Variants in ZCCHC10 observed in about 807,000 individuals in gnomAD.
ZCCHC10 encodes zinc finger CCHC-type containing 10.
Under a neutral mutation model 19.5 loss-of-function variants are expected in ZCCHC10, and 16 were observed. The observed-to-expected ratio is 0.82, with a 90% CI of 0.56 to 1.25. The LOEUF is 1.25. Among genes scored for constraint, ZCCHC10 ranks in the 50% most tolerant of loss-of-function variants. ZCCHC10 has a pLI of 0.00. For missense variants in ZCCHC10, 197 were observed against 201.0 expected (o/e 0.98, Z 0.12); for synonymous variants, 67 against 72.5 (o/e 0.92, Z 0.38).
At chr5:133,018,981 A>G (rs1478562389) in intron 2 of ZCCHC10, 2 of 409,506 alleles carry the variant, frequency 4.9e-6, no homozygotes, top group African/African-American at 2.1e-5. Flanking sequence ...TGTTTTCTCC[A>G]TATTGAGAAA....
intron 2 of ZCCHC10, among the ~76,000 whole-genome samples, chr5:133,008,582 T>A (rs927425211): frequency 1.3e-5 from 2 of 149,652 alleles, no homozygotes; most frequent in African/African-American, 5.0e-5. Context: ...GGGGTCAAGC[T>A]GACCAGCTGA....
In ZCCHC10 at chr5:133,006,799, CT is replaced by C. The variant is rs1561538607; in HGVS notation, c.228del (p.Ala77LeufsTer2). Reference sequence around the variant, plus strand: ...AATCTGTTTTCTTTTTCTTTTAAAGCTTTCTTTAGTTCTGCTGTCCTTGAGG... The same window carrying C: ...AATCTGTTTTCTTTTTCTTTTAAAGCTTCTTTAGTTCTGCTGTCCTTGAGG... ...HRPSRTAELK[K>X]ALKEKENRLL... On this transcript the variant is annotated frameshift_variant, in exon 3 of 5. Transcript: ENST00000509437. LOFTEE classifies it high-confidence loss of function. 1 of 1,608,444 alleles carries C rather than the reference CT, an allele frequency of 6.2e-7. No homozygotes were observed. Among genetic ancestry groups the C allele is most frequent in the Non-Finnish European group, 8.5e-7 (1 of 1,178,692 alleles).
chr5:133,017,889 A>G (rs1764026484), intron 2 of ZCCHC10, among the ~76,000 whole-genome samples: 1 of 152,212 alleles, frequency 6.6e-6, no homozygotes. Context: ...TCACTCCTGT[A>G]ATCCCAACAC....
intron 4 of ZCCHC10, among the ~76,000 whole-genome samples, chr5:132,999,059 G>A (rs1445849817): frequency 6.6e-6 from 1 of 151,970 alleles, no homozygotes; most frequent in African/African-American, 2.4e-5. Flanking sequence ...AGGATTACAG[G>A]TGCGCACACC....
At chr5:133,006,406 C>G (rs915729663) in intron 3 of ZCCHC10, among the ~76,000 whole-genome samples, 1 of 152,062 alleles carries the variant, frequency 6.6e-6, no homozygotes, top group Non-Finnish European at 1.5e-5. Flanking sequence ...GGCAAAAAAG[C>G]AAAATGATTA....
chr5:133,001,607 C>T (rs563743193), intron 3 of ZCCHC10, among the ~76,000 whole-genome samples: 2 of 152,024 alleles, frequency 1.3e-5, no homozygotes, highest in Non-Finnish European at 1.5e-5. Flanking sequence ...GACTACAACA[C>T]GCACCACCAT....
At chr5:133,008,139 G>A (rs1450994458) in intron 2 of ZCCHC10, among the ~76,000 whole-genome samples, 3 of 150,026 alleles carry the variant, frequency 2.0e-5, no homozygotes, top group Non-Finnish European at 4.4e-5. Context: ...GCAGGAGAAT[G>A]GTGTGAACCT....
intron 2 of ZCCHC10, among the ~76,000 whole-genome samples, chr5:133,009,683 A>G (rs1457726892): frequency 6.6e-6 from 1 of 151,890 alleles, no homozygotes; most frequent in East Asian, 1.9e-4. Context: ...GAATTAAGTC[A>G]ACTTTTGTGC....
chr5:133,006,733 C>G, intron 3 of ZCCHC10, 26 bp downstream of exon 3: 1 of 1,569,872 alleles, frequency 6.4e-7, no homozygotes, highest in Non-Finnish European at 8.6e-7. Flanking sequence ...AAAAAATATT[C>G]CTTTGGATAC....
At chr5:133,023,909 T>G (rs1432592337) in intron 1 of ZCCHC10, among the ~76,000 whole-genome samples, 1 of 152,140 alleles carries the variant, frequency 6.6e-6, no homozygotes, top group Non-Finnish European at 1.5e-5. Context: ...AAATGAAAAG[T>G]AAAGGCTCCT....
rs1050802324 is a variant in ZCCHC10 at position 133,002,220 on chromosome 5, C to G, written c.270-2047G>C. Among the ~76,000 whole-genome samples, 19 of 151,926 alleles carry G rather than the reference C, an allele frequency of 1.3e-4. 1 individual carries two copies. Among genetic ancestry groups the G allele is most frequent in the Non-Finnish European group, 2.8e-4 (19 of 67,986 alleles). On this transcript the variant is annotated intron_variant, in intron 3 of 4. Transcript: ENST00000509437. ...TTGTGATCCACCCGCCTCAGCCTCC[C>G]AAAATGCTGGGATTGCAGGTGTGAG...
Position 132,998,555 on chromosome 5 carries a change from C to A in ZCCHC10, c.*28G>T. The A allele has an allele frequency of 6.3e-7, 1 of 1,588,282 alleles. No homozygotes were observed. The highest frequency in any genetic ancestry group is 1.1e-5 in the South Asian group (1 of 89,790). On this transcript the variant is annotated 3_prime_UTR_variant, in exon 5 of 5. Coordinates refer to ENST00000509437, the MANE Select transcript of ZCCHC10 (RefSeq NM_001300816.3). Reference sequence around the variant, plus strand: ...CAAGAATCACATCAATGTTTTCAGTCCATCAGTCCAATATGAATGGAGCAA... The same window carrying A: ...CAAGAATCACATCAATGTTTTCAGTACATCAGTCCAATATGAATGGAGCAA...
chr5:133,012,723 T>C (rs1469777121), intron 2 of ZCCHC10, among the ~76,000 whole-genome samples: 1 of 151,620 alleles, frequency 6.6e-6, no homozygotes, highest in Non-Finnish European at 1.5e-5. Context: ...AAGACCAGCC[T>C]GGACAACATG....
chr5:133,012,508 A>G (rs1332144999), intron 2 of ZCCHC10, among the ~76,000 whole-genome samples: 1 of 151,890 alleles, frequency 6.6e-6, no homozygotes, highest in African/African-American at 2.4e-5. Flanking sequence ...AAAGGCCAGT[A>G]ACAGACAAAA....
intron 1 of ZCCHC10, 50 bp downstream of exon 1, chr5:133,026,447 G>C (rs1378290680): frequency 4.4e-6 from 7 of 1,606,882 alleles, no homozygotes; most frequent in Admixed American, 3.4e-5. Flanking sequence ...GTTGACGCGC[G>C]TTTCCCCGCT....
At chr5:133,004,348 AT>A in intron 3 of ZCCHC10, among the ~76,000 whole-genome samples, 1 of 151,704 alleles carries the variant, frequency 6.6e-6, no homozygotes. Flanking sequence ...ATAATTTTGT[AT>A]TTTTAGTAGA....
chr5:133,008,230 A>T (rs1411142327), intron 2 of ZCCHC10, among the ~76,000 whole-genome samples: 1 of 147,074 alleles, frequency 6.8e-6, no homozygotes, highest in African/African-American at 2.5e-5. Flanking sequence ...GTCTCAAAAA[A>T]AAAAAAAAAA....
intron 2 of ZCCHC10, among the ~76,000 whole-genome samples, chr5:133,013,277 A>AG: frequency 6.7e-6 from 1 of 148,778 alleles, no homozygotes. Flanking sequence ...AAAAAAAAAA[A>AG]GGGACTAGGA....
At chr5:133,023,133 T>C (rs1432329472) in intron 1 of ZCCHC10, among the ~76,000 whole-genome samples, 4 of 152,292 alleles carry the variant, frequency 2.6e-5, no homozygotes, top group Non-Finnish European at 4.4e-5. Flanking sequence ...TTAGATAGAT[T>C]TGAAAACACA....
Sources: gnomAD v4.1 joint callset for allele counts (sites outside exome capture counted in the v4.1 genomes callset) on GRCh38, gnomAD v4.1.1 for gene constraint, MANE v1.5 for transcripts, NCBI Gene and HGNC (gene_info 2026-07-23, HGNC 2026-07-21) for gene names.